The following RNLS variants were observed in gnomAD, a reference collection of about 807,000 sequenced individuals.
The protein encoded by RNLS is renalase, FAD dependent amine oxidase, also known as renalase.
RNLS carries 39 observed loss-of-function variants against 39.8 expected under a neutral mutation model. The ratio of observed to expected loss-of-function variants is 0.98; its 90% CI spans 0.76 to 1.28. The LOEUF (loss-of-function observed/expected upper bound fraction) is 1.28, where lower values mean the gene tolerates loss of function less well. Ranked by LOEUF, RNLS falls within the 50% of genes most tolerant of loss-of-function variation. The pLI is 0.00. For missense variants in RNLS, 410 were observed against 413.3 expected (o/e 0.99, Z 0.07); for synonymous variants, 147 against 150.7 (o/e 0.98, Z 0.18).
intron 4 of RNLS, among the ~76,000 whole-genome samples, chr10:88,468,056 G>A (rs1469342040): frequency 6.6e-6 from 1 of 152,096 alleles, no homozygotes; most frequent in Non-Finnish European, 1.5e-5. Context: ...AAATAGATAG[G>A]GAGTGTTCCT....
chr10:88,421,969 T>C (rs551831802), intron 4 of RNLS, among the ~76,000 whole-genome samples: 1 of 152,316 alleles, frequency 6.6e-6, no homozygotes, highest in Non-Finnish European at 1.5e-5. Flanking sequence ...TGATTCATCT[T>C]TGATGTACAT....
At chr10:88,337,627 GA>G (rs1237695277) in intron 5 of RNLS, among the ~76,000 whole-genome samples, 2 of 152,226 alleles carry the variant, frequency 1.3e-5, no homozygotes, top group Non-Finnish European at 2.9e-5. Context: ...CATCATGAAT[GA>G]ATCCAATGCA....
At chr10:88,579,432 C>A (rs1850400037) in intron 3 of RNLS, among the ~76,000 whole-genome samples, 1 of 152,062 alleles carries the variant, frequency 6.6e-6, no homozygotes. Flanking sequence ...ATTTCTACGA[C>A]CTGCCTTGGG....
chr10:88,547,456 T>C (rs532795568), intron 4 of RNLS, among the ~76,000 whole-genome samples: 4 of 152,366 alleles, frequency 2.6e-5, no homozygotes, highest in African/African-American at 9.6e-5. Context: ...CTAAGAGAAA[T>C]ACAGATAAAA....
At chr10:88,553,148 T>G (rs1284937099) in intron 4 of RNLS, among the ~76,000 whole-genome samples, 1 of 152,190 alleles carries the variant, frequency 6.6e-6, no homozygotes, top group African/African-American at 2.4e-5. Flanking sequence ...TCTTAAGCAA[T>G]GGATGGAGTT....
chr10:88,337,523 A>G (rs1351674455), intron 5 of RNLS, among the ~76,000 whole-genome samples: 2 of 152,164 alleles, frequency 1.3e-5, no homozygotes, highest in Non-Finnish European at 2.9e-5. Context: ...CTCAATTCCA[A>G]AATTATTGTG....
At position 88,582,268 on chromosome 10, in the gene RNLS, T is replaced by C. The variant is rs377332197; in HGVS notation, c.158A>G (p.Gln53Arg). 2.4e-5 allele frequency: 38 copies of C among 1,613,930 alleles called. No homozygotes were observed. Among genetic ancestry groups the C allele is most frequent in the Non-Finnish European group, 3.1e-5 (36 of 1,179,970 alleles). Reference sequence around the variant, plus strand: ...CTGAGCACCCAAGTCAGCTGTGCACTGAGGATTATGAGGACTGCAGGCTGT... The same window carrying C: ...CTGAGCACCCAAGTCAGCTGTGCACCGAGGATTATGAGGACTGCAGGCTGT... Reference protein sequence around the residue: ...MTTACSPHNPQCTADLGAQYI... With the variant: ...MTTACSPHNPRCTADLGAQYI... Residue 53 changes from glutamine (Q) to arginine (R), a missense_variant, in exon 2 of 7, where the codon CAG becomes CGG. By Grantham distance (43) the Gln-to-Arg change is conservative. Coordinates refer to ENST00000331772, the MANE Select transcript of RNLS (RefSeq NM_001031709.3).
chr10:88,322,099 C>T (rs939522973), intron 5 of RNLS, among the ~76,000 whole-genome samples: 3 of 152,136 alleles, frequency 2.0e-5, no homozygotes, highest in African/African-American at 4.8e-5. Flanking sequence ...GATATTTCAT[C>T]GTGATCAAGT....
intron 6 of RNLS, among the ~76,000 whole-genome samples, chr10:88,298,268 C>A (rs967621357): frequency 6.6e-6 from 1 of 151,768 alleles, no homozygotes; most frequent in African/African-American, 2.4e-5. Flanking sequence ...TAAATATTTT[C>A]TCCCATCCTT....
At chr10:88,252,729 A>AG in the RNLS span, among the ~76,000 whole-genome samples, 2 of 152,348 alleles carry the variant, frequency 1.3e-5, no homozygotes, top group East Asian at 3.9e-4. Context: ...TACCTTGAGC[A>AG]GGGCTGAAGC....
chr10:88,532,382 A>G lies in RNLS; in HGVS notation c.526+40521T>C, dbSNP rs577468062. On this transcript the variant is annotated intron_variant, in intron 4 of 6. Coordinates refer to ENST00000331772, the MANE Select transcript of RNLS (RefSeq NM_001031709.3). ...CTGATAAGGAATGCAAATACTTACT[A>G]GTATACTGCTCCTATGGGAAAAATA... Among the ~76,000 whole-genome samples, 12 of 152,180 alleles carry G rather than the reference A, an allele frequency of 7.9e-5. No individual in the cohort carries two copies. In the South Asian group the frequency reaches 2.3e-3, roughly 29 times the overall value.
downstream of RNLS, among the ~76,000 whole-genome samples, chr10:88,281,602 T>C (rs762280010): frequency 2.6e-5 from 4 of 152,124 alleles, no homozygotes; most frequent in Non-Finnish European, 4.4e-5. Context: ...AAAGAAACCA[T>C]ACAAGTCATG....
the RNLS span, among the ~76,000 whole-genome samples, chr10:88,189,671 G>A: frequency 6.6e-6 from 1 of 152,238 alleles, no homozygotes; most frequent in Non-Finnish European, 1.5e-5. Flanking sequence ...CAGTCAATAA[G>A]TATTTGCTAA....
chr10:88,287,908 G>C (rs1051476433), intron 6 of RNLS, among the ~76,000 whole-genome samples: 2 of 152,066 alleles, frequency 1.3e-5, no homozygotes, highest in African/African-American at 4.8e-5. Context: ...ATGAGACTTG[G>C]ATGGGGACAC....
downstream of RNLS, among the ~76,000 whole-genome samples, chr10:88,268,925 C>CTCCA (rs1842575398): frequency 6.6e-6 from 1 of 152,230 alleles, no homozygotes; most frequent in Non-Finnish European, 1.5e-5. Context: ...GTTCTGACCA[C>CTCCA]TCCAGCACAT....
chr10:88,555,593 C>T (rs1848825919), intron 4 of RNLS, among the ~76,000 whole-genome samples: 1 of 152,102 alleles, frequency 6.6e-6, no homozygotes, highest in African/African-American at 2.4e-5. Flanking sequence ...CTGCTGGTGC[C>T]ATGCTTGTAT....
intron 4 of RNLS, among the ~76,000 whole-genome samples, chr10:88,545,816 TA>T (rs1269621571): frequency 2.0e-5 from 3 of 152,184 alleles, no homozygotes; most frequent in Non-Finnish European, 4.4e-5. Context: ...TATATCTAAG[TA>T]AAAACATAAT....
intron 5 of RNLS, among the ~76,000 whole-genome samples, chr10:88,346,824 T>C (rs1848341887): frequency 1.3e-5 from 2 of 152,184 alleles, no homozygotes; most frequent in African/African-American, 2.4e-5. Context: ...GTGTGATGGA[T>C]TGTGGCATGT....
intron 3 of RNLS, among the ~76,000 whole-genome samples, chr10:88,577,325 G>A (rs1026501003): frequency 1.3e-5 from 2 of 152,154 alleles, no homozygotes; most frequent in Non-Finnish European, 2.9e-5. Context: ...CAAAATAGAT[G>A]TTAAATTGGA....
Sources: allele counts gnomAD v4.1 joint callset (sites outside exome capture counted in the v4.1 genomes callset), GRCh38; gene constraint gnomAD v4.1.1; transcripts MANE v1.5; gene names NCBI Gene and HGNC (gene_info 2026-07-23, HGNC 2026-07-21).